The following LEPR variants were observed in gnomAD, a reference collection of about 807,000 sequenced individuals.
LEPR encodes leptin receptor, also known as OB receptor.
Under a neutral mutation model 114.7 loss-of-function variants are expected in LEPR, and 56 were observed. The ratio of observed to expected loss-of-function variants is 0.49; its 90% CI spans 0.39 to 0.61. LEPR has a LOEUF of 0.61. Ranked by LOEUF, LEPR falls within the 20% of genes least tolerant of loss-of-function variation. The pLI is 0.00. For missense variants in LEPR, 1,202 were observed against 1,352.9 expected, an observed-to-expected ratio of 0.89 and a Z score of 1.75; for synonymous variants, 443 against 461.4, an observed-to-expected ratio of 0.96 and a Z score of 0.51.
intron 2 of LEPR, among the ~76,000 whole-genome samples, chr1:65,452,287 T>C (rs1345386284): frequency 6.6e-6 from 1 of 151,706 alleles, no homozygotes; most frequent in Non-Finnish European, 1.5e-5. Context: ...TCCTGCCTAA[T>C]TGCCCTGGCC....
chr1:65,578,073 C>T (rs1006947802), intron 5 of LEPR, among the ~76,000 whole-genome samples: 12 of 151,086 alleles, frequency 7.9e-5, no homozygotes, highest in African/African-American at 2.2e-4. Context: ...TTTTCGGTTC[C>T]TGTGTTAGTC....
intron 2 of LEPR, among the ~76,000 whole-genome samples, chr1:65,429,353 A>C (rs1056303276): frequency 7.9e-5 from 12 of 152,222 alleles, no homozygotes; most frequent in Admixed American, 7.9e-4. Flanking sequence ...GTGTGGCTAC[A>C]GATTAAGCAA....
At position 65,598,747 on chromosome 1, in the gene LEPR, C is replaced by G; in HGVS notation, c.937C>G (p.Leu313Val). 6.2e-7 allele frequency: 1 copy of G among 1,613,498 alleles called. No individual in the cohort carries two copies. Among genetic ancestry groups the G allele is most frequent in the Non-Finnish European group, 8.5e-7 (1 of 1,179,592 alleles). The change falls in exon 8 of 20, where the codon CTG becomes GTG. Residue 313 changes from leucine (L) to valine (V), a missense_variant. Physicochemically the swap from Leu to Val is conservative, Grantham distance 32 (BLOSUM62 1). Transcript: ENST00000349533. Reference sequence around the variant, plus strand: ...TGAGGTTCAGGTGAGGGGCAAGAGACTGGATGGCCCAGGAATCTGGAGTGA... The same window carrying G: ...TGAGGTTCAGGTGAGGGGCAAGAGAGTGGATGGCCCAGGAATCTGGAGTGA... The part of the protein sequence containing the change: ...SYEVQVRGKR[L>V]DGPGIWSDWS...
At chr1:65,558,505 T>TACACTA (rs1229841427) in intron 2 of LEPR, among the ~76,000 whole-genome samples, 1 of 113,766 alleles carries the variant, frequency 8.8e-6, no homozygotes. Context: ...CTTAATGTTT[T>TACACTA]TTTTTTTTTT....
intron 2 of LEPR, among the ~76,000 whole-genome samples, chr1:65,428,329 A>G (rs1339948172): frequency 6.6e-6 from 1 of 152,184 alleles, no homozygotes; most frequent in Non-Finnish European, 1.5e-5. Flanking sequence ...TTCCAGGAAA[A>G]ATTAAGAGTT....
intron 14 of LEPR, among the ~76,000 whole-genome samples, chr1:65,614,121 A>G (rs575590797): frequency 2.5e-4 from 38 of 152,314 alleles, no homozygotes; most frequent in Non-Finnish European, 4.0e-4. Context: ...TGATTTGAAA[A>G]CTTAAGTCTA....
intron 2 of LEPR, among the ~76,000 whole-genome samples, chr1:65,513,394 T>C (rs562282084): frequency 6.6e-6 from 1 of 152,360 alleles, no homozygotes; most frequent in East Asian, 1.9e-4. Context: ...CACATTGATA[T>C]GATCAAAGCA....
intron 6 of LEPR, among the ~76,000 whole-genome samples, chr1:65,595,699 A>C (rs898869889): frequency 6.6e-6 from 1 of 152,128 alleles, no homozygotes. Context: ...GATAATTTCT[A>C]TATATATGAA....
intron 1 of LEPR, among the ~76,000 whole-genome samples, chr1:65,422,770 AG>A (rs1646276624): frequency 6.6e-6 from 1 of 152,194 alleles, no homozygotes; most frequent in South Asian, 2.1e-4. Context: ...CTTAGTGGTG[AG>A]GGTTGAAGCT....
At chr1:65,430,425 A>G (rs2100220485) in intron 2 of LEPR, 1 of 158,156 alleles carries the variant, frequency 6.3e-6, no homozygotes, top group African/African-American at 2.4e-5. Flanking sequence ...GGGATCATGG[A>G]CTCAACTCTC....
chr1:65,545,001 C>CT (rs1651565268), intron 2 of LEPR, among the ~76,000 whole-genome samples: 1 of 150,168 alleles, frequency 6.7e-6, no homozygotes. Context: ...GTTCCCCTTC[C>CT]TGTGTCCATG....
intron 11 of LEPR, among the ~76,000 whole-genome samples, chr1:65,608,279 G>A (rs1006254847): frequency 7.3e-5 from 11 of 150,228 alleles, no homozygotes; most frequent in African/African-American, 2.7e-4. Flanking sequence ...CGCCCAGGCT[G>A]GAGTGCAGTG....
chr1:65,512,198 C>T (rs1486694972), intron 2 of LEPR, among the ~76,000 whole-genome samples: 1 of 152,114 alleles, frequency 6.6e-6, no homozygotes, highest in Non-Finnish European at 1.5e-5. Context: ...AGACACCTCC[C>T]ACTCACTACC....
At position 65,641,334 on chromosome 1, in the gene LEPR, G is replaced by A. The variant is rs1040776109; in HGVS notation, c.*4319G>A. The A allele has an allele frequency of 1.2e-4, 19 of 152,230 alleles. No individual in the cohort carries two copies. The highest frequency in any genetic ancestry group is 3.9e-4 in the African/African-American group (16 of 41,542). The allele number at this position is 152,230 out of a possible 1,614,324, so 9.4% of individuals were successfully genotyped here. ...TTTAAAACCTGTCATTAAGTGTTTG[G>A]CATGTGGTTAATACTTTCTCTTTAG... On this transcript the variant is annotated 3_prime_UTR_variant, in exon 20 of 20. Transcript: ENST00000349533.
chr1:65,633,209 A>G lies in LEPR; in HGVS notation c.2674-2982A>G. The G allele has an allele frequency of 6.2e-7, 1 of 1,609,702 alleles. No individual in the cohort carries two copies. Among genetic ancestry groups the G allele is most frequent in the Non-Finnish European group, 8.5e-7 (1 of 1,178,038 alleles). Reference sequence around the variant, plus strand: ...CACTACAGATGAACCCAATGTGCCAACTTCCCAACAGTCTATAGAGTATTA... The same window carrying G: ...CACTACAGATGAACCCAATGTGCCAGCTTCCCAACAGTCTATAGAGTATTA... On this transcript the variant is annotated intron_variant, in intron 19 of 19. Transcript: ENST00000349533. The surrounding 1 kb of genome is among the most constrained non-coding windows in gnomAD (Gnocchi z 4.1).
chr1:65,564,167 C>A (rs1421430647), intron 2 of LEPR, among the ~76,000 whole-genome samples: 8 of 150,234 alleles, frequency 5.3e-5, no homozygotes, highest in South Asian at 4.3e-4. Flanking sequence ...TGCCGCCTTG[C>A]AGTTTGATCT....
At chr1:65,550,868 G>C (rs1751481) in intron 2 of LEPR, among the ~76,000 whole-genome samples, 8 of 151,710 alleles carry the variant, frequency 5.3e-5, no homozygotes, top group Non-Finnish European at 1.2e-4. Context: ...AGATGAACCC[G>C]GTACCTCAGA....
At chr1:65,500,727 G>T (rs536137314) in intron 2 of LEPR, among the ~76,000 whole-genome samples, 5 of 152,136 alleles carry the variant, frequency 3.3e-5, no homozygotes, top group Admixed American at 1.3e-4. Context: ...TTGGTTAACA[G>T]TGGGTAATTA....
At chr1:65,499,557 G>A (rs145106367) in intron 2 of LEPR, among the ~76,000 whole-genome samples, 256 of 152,114 alleles carry the variant, frequency 1.7e-3, no homozygotes, top group African/African-American at 6.0e-3. Flanking sequence ...CAGCCTTCAC[G>A]AGTATACAAT....
Sources: allele counts gnomAD v4.1 joint callset (sites outside exome capture counted in the v4.1 genomes callset), GRCh38; gene constraint gnomAD v4.1.1; non-coding constraint Gnocchi (gnomAD v3.1); transcripts MANE v1.5; gene names NCBI Gene and HGNC (gene_info 2026-07-23, HGNC 2026-07-21).